Variants in CORO7 observed in about 807,000 individuals in gnomAD.
CORO7 encodes the protein coronin 7.
A neutral mutation model predicts 126.6 loss-of-function variants in CORO7; 107 were observed. The observed-to-expected ratio is 0.85, with a 90% CI of 0.72 to 0.99. CORO7 has a LOEUF of 0.99. CORO7 is among the 50% of genes least tolerant of loss of function. The pLI, the probability that CORO7 is intolerant of heterozygous loss-of-function variation, is 0.00. For synonymous variants in CORO7, 603 were observed against 536.8 expected (o/e 1.12, Z -1.70); for missense variants, 1,314 against 1,255.8 (o/e 1.05, Z -0.70).
chr16:4,406,243 G>A (rs1442801279), intron 5 of CORO7, among the ~76,000 whole-genome samples: 10 of 152,054 alleles, frequency 6.6e-5, no homozygotes, highest in South Asian at 4.2e-4. Flanking sequence ...CAAGTGATCC[G>A]CCCACCTCGG....
In CORO7 at chr16:4,362,680, C is replaced by T; in HGVS notation, c.1334G>A (p.Gly445Glu). The T allele has an allele frequency of 6.7e-7, 1 of 1,492,914 alleles. No homozygotes were observed. The highest frequency in any genetic ancestry group is 8.9e-7 in the Non-Finnish European group (1 of 1,121,274). 92.5% of individuals were successfully genotyped at this position (1,492,914 alleles called of 1,614,324 possible). A position where few individuals can be genotyped will look rare whatever the true frequency, so the allele number is the denominator to read the frequency against. The stretch of plus-strand genomic sequence containing the variant: ...GCCACTGGTGCTGGAGAGTGAGGGC[C>T]CCAGGCTGGAGGGCGTGGAGGGCGA... ...LTSPSTPSSL[G>E]PSLSSTSGIG... The change falls in exon 15 of 28, where the codon GGG (glycine) becomes GAG (glutamate). Residue 445 changes from glycine to glutamate, a missense_variant. Coordinates refer to ENST00000251166, the MANE Select transcript of CORO7 (RefSeq NM_024535.5). This position sits in a 1 kb window ranked among gnomAD's most constrained non-coding sequence, Gnocchi z 5.3.
chr16:4,387,761 T>C (rs2055243651), intron 9 of CORO7: 1 of 592,874 alleles, frequency 1.7e-6, no homozygotes, highest in African/African-American at 1.9e-5. Flanking sequence ...GGGCCCACTC[T>C]GCTACCAGGG....
At position 4,362,417 on chromosome 16, in the gene CORO7, G is replaced by T. The variant is rs564277633; in HGVS notation, c.1402+195C>A. 6.6e-6 allele frequency among the ~76,000 whole-genome samples: 1 copy of T among 152,086 alleles called. No homozygotes were observed. Among genetic ancestry groups the T allele is most frequent in the African/African-American group, 2.4e-5 (1 of 41,406 alleles). On this transcript the variant is annotated intron_variant, in intron 15 of 27. Coordinates refer to ENST00000251166, the MANE Select transcript of CORO7 (RefSeq NM_024535.5). This position sits in a 1 kb window ranked among gnomAD's most constrained non-coding sequence, Gnocchi z 5.3. ...TGCTCAGAAGCTGGTGGCCCCAGCC[G>T]CCCTCCTATTTTGCAGGTGAGACTC...
chr16:4,402,806 A>T (rs554768675), intron 6 of CORO7, among the ~76,000 whole-genome samples: 1 of 152,320 alleles, frequency 6.6e-6, no homozygotes, highest in Non-Finnish European at 1.5e-5. Context: ...TCAGGAGCGC[A>T]GCAGGCCGGA....
At chr16:4,398,708 A>T (rs2055692087) in intron 6 of CORO7, among the ~76,000 whole-genome samples, 1 of 151,114 alleles carries the variant, frequency 6.6e-6, no homozygotes, top group South Asian at 2.1e-4. Flanking sequence ...GGTGGCTCAC[A>T]CCTGTAATCC....
At chr16:4,405,317 A>C (rs1031408559) in intron 6 of CORO7, among the ~76,000 whole-genome samples, 174 bp downstream of exon 6, 1 of 152,188 alleles carries the variant, frequency 6.6e-6, no homozygotes. Context: ...GGGCTTCCAG[A>C]TGTAGGTGAG....
intron 9 of CORO7, chr16:4,382,110 G>A (rs372176778): frequency 1.6e-5 from 25 of 1,582,090 alleles, no homozygotes; most frequent in Middle Eastern, 1.7e-4. Context: ...ACTGCCCACC[G>A]TCCACCTGCC....
intron 7 of CORO7, among the ~76,000 whole-genome samples, chr16:4,392,963 C>T (rs990166116): frequency 2.0e-5 from 3 of 152,360 alleles, no homozygotes; most frequent in Admixed American, 6.5e-5. Flanking sequence ...CAGATCCTCT[C>T]CCTCTCTCTT....
Position 4,401,079 on chromosome 16 carries a change from G to A in CORO7, c.564+4412C>T, listed in dbSNP as rs144518305. ...TCCCTGAGAGATGAGTAGCCTCCCT[G>A]CTACTACCAAGTTCCAGGCTAAGTG... On this transcript the variant is annotated intron_variant, in intron 6 of 27. Coordinates refer to ENST00000251166, the MANE Select transcript of CORO7 (RefSeq NM_024535.5). Among the ~76,000 whole-genome samples, 614 of 152,304 alleles carry A rather than the reference G, an allele frequency of 4.0e-3. 2 individuals carry two copies. The highest frequency in any genetic ancestry group is 0.014 in the African/African-American group (578 of 41,562).
intron 1 of CORO7, chr16:4,415,638 C>T (rs969783915): frequency 2.2e-6 from 2 of 897,960 alleles, no homozygotes; most frequent in Non-Finnish European, 2.7e-6. Flanking sequence ...ACTGCCCTGA[C>T]TTGCTCTGGG....
chr16:4,403,697 C>G (rs1040719992), intron 6 of CORO7, among the ~76,000 whole-genome samples: 2 of 152,194 alleles, frequency 1.3e-5, no homozygotes, highest in Non-Finnish European at 2.9e-5. Context: ...CACTGTCCTT[C>G]CCTACACAAC....
At chr16:4,402,961 A>T (rs1050642005) in intron 6 of CORO7, among the ~76,000 whole-genome samples, 11 of 151,958 alleles carry the variant, frequency 7.2e-5, no homozygotes, top group Non-Finnish European at 1.3e-4. Context: ...CTGCTCACAC[A>T]GAGGCAGGAC....
intron 23 of CORO7, chr16:4,358,953 G>C (rs1001033845): frequency 4.2e-5 from 15 of 359,344 alleles, no homozygotes; most frequent in African/African-American, 3.2e-4. Context: ...TTTTTTGTTT[G>C]TTTTGTAGAG....
intron 14 of CORO7, 32 bp downstream of exon 14, chr16:4,364,244 T>TG: frequency 6.6e-7 from 1 of 1,507,520 alleles, no homozygotes; most frequent in Non-Finnish European, 8.8e-7. Flanking sequence ...GCAGTGTCGC[T>TG]GAGGGAGGAT....
chr16:4,360,385 C>T lies in CORO7; in HGVS notation c.2023-22G>A, dbSNP rs558951459. On this transcript the variant is annotated intron_variant, in intron 20 of 27. Coordinates refer to ENST00000251166, the MANE Select transcript of CORO7 (RefSeq NM_024535.5). Reference sequence around the variant, plus strand: ...CTTCCTGTTGAGATACATCGCGTGACACCCAGCCAGCACCCCTGAACCAGG... The same window carrying T: ...CTTCCTGTTGAGATACATCGCGTGATACCCAGCCAGCACCCCTGAACCAGG... 46 of 1,613,464 alleles carry T rather than the reference C, an allele frequency of 2.9e-5. 1 individual carries two copies. The East Asian group carries it at 1.0e-3, about 36-fold the overall frequency.
intron 9 of CORO7, among the ~76,000 whole-genome samples, chr16:4,376,043 T>C (rs1405050743): frequency 6.6e-6 from 1 of 152,186 alleles, no homozygotes; most frequent in Non-Finnish European, 1.5e-5. Flanking sequence ...AGAAAGAGGC[T>C]GACACCCATG....
intron 9 of CORO7, chr16:4,381,437 G>A (rs1596306116): frequency 6.3e-7 from 1 of 1,579,542 alleles, no homozygotes. Context: ...CTGGAGCCCG[G>A]CATCCTGGAC....
intron 9 of CORO7, chr16:4,382,531 G>T (rs2055027050): frequency 3.1e-6 from 5 of 1,593,482 alleles, no homozygotes; most frequent in Non-Finnish European, 3.4e-6. Flanking sequence ...GGCCTGCGGG[G>T]AGGCCCATAC....
chr16:4,360,835 T>TGCCTCTCCTCACTGCTGGCCCC, intron 19 of CORO7, 108 bp downstream of exon 19: 1 of 1,449,874 alleles, frequency 6.9e-7, no homozygotes. Context: ...CTGCTGGTCC[T>TGCCTCTCCTCACTGCTGGCCCC]GCCTCTCCTC....
Sources: gnomAD v4.1 joint callset for allele counts (sites outside exome capture counted in the v4.1 genomes callset) on GRCh38, gnomAD v4.1.1 for gene constraint, Gnocchi (gnomAD v3.1) non-coding constraint, MANE v1.5 for transcripts, NCBI Gene and HGNC (gene_info 2026-07-23, HGNC 2026-07-21) for gene names.